The following PTPRN2 variants were observed in gnomAD, a reference collection of about 807,000 sequenced individuals.
PTPRN2 encodes the protein protein tyrosine phosphatase receptor type N2.
In PTPRN2, 74 loss-of-function variants were observed where a neutral mutation model predicts 118.8. That is an observed-to-expected ratio of 0.62 (90% CI 0.52 to 0.76). The LOEUF is 0.76. Among genes scored for constraint, PTPRN2 ranks in the 30% least tolerant of loss-of-function variants. The probability of loss-of-function intolerance (pLI) is 0.00; values close to 1 mark genes in which losing one functional copy is unlikely to be tolerated. For missense variants in PTPRN2, 1,481 were observed against 1,394.4 expected (o/e 1.06, Z -0.99); for synonymous variants, 641 against 608.0 (o/e 1.05, Z -0.80).
At chr7:158,061,724 C>T (rs1482619949) in intron 11 of PTPRN2, among the ~76,000 whole-genome samples, 1 of 152,208 alleles carries the variant, frequency 6.6e-6, no homozygotes, top group Non-Finnish European at 1.5e-5. Context: ...GTCCCCAGGA[C>T]CACACCTGAA....
intron 2 of PTPRN2, among the ~76,000 whole-genome samples, chr7:158,368,184 G>A (rs1237923680): frequency 6.6e-6 from 1 of 152,166 alleles, no homozygotes; most frequent in Non-Finnish European, 1.5e-5. Flanking sequence ...TTACAGTACA[G>A]GTTGATTCTA....
chr7:157,837,236 T>C (rs1210032887), intron 12 of PTPRN2, among the ~76,000 whole-genome samples: 3 of 130,946 alleles, frequency 2.3e-5, no homozygotes, highest in African/African-American at 8.5e-5. Context: ...CATCCACACA[T>C]CCACCCTTCC....
intron 6 of PTPRN2, among the ~76,000 whole-genome samples, chr7:158,161,247 T>C (rs1563538014): frequency 6.6e-6 from 1 of 152,064 alleles, no homozygotes. Flanking sequence ...TAGAGGCGAG[T>C]GACCCATAAC....
At chr7:157,791,885 C>G (rs1804526613) in intron 12 of PTPRN2, among the ~76,000 whole-genome samples, 1 of 152,230 alleles carries the variant, frequency 6.6e-6, no homozygotes, top group Admixed American at 6.5e-5. Flanking sequence ...GAGGGCAGAT[C>G]AGAGGGGCGC....
chr7:158,388,152 G>A (rs1317355694), intron 2 of PTPRN2, among the ~76,000 whole-genome samples: 1 of 152,028 alleles, frequency 6.6e-6, no homozygotes, highest in East Asian at 1.9e-4. Flanking sequence ...TCACTCTGCA[G>A]GTCTCGGCAA....
chr7:157,904,865 G>A (rs1797681312), intron 11 of PTPRN2, among the ~76,000 whole-genome samples: 1 of 152,206 alleles, frequency 6.6e-6, no homozygotes, highest in African/African-American at 2.4e-5. Context: ...GCACAGCCCT[G>A]CGGTTTGTTG....
chr7:158,538,569 C>T (rs1235826578), intron 1 of PTPRN2, among the ~76,000 whole-genome samples: 2 of 152,154 alleles, frequency 1.3e-5, no homozygotes, highest in African/African-American at 4.8e-5. Context: ...CTCAAGTGCC[C>T]CAGCCCACCC....
chr7:158,049,995 G>A (rs1453681229), intron 11 of PTPRN2, among the ~76,000 whole-genome samples: 2 of 152,166 alleles, frequency 1.3e-5, no homozygotes, highest in African/African-American at 4.8e-5. Context: ...GAGTTGAAAG[G>A]GGCAGGGAAT....
intron 11 of PTPRN2, among the ~76,000 whole-genome samples, chr7:158,034,201 GTGGC>G (rs1807922898): frequency 6.8e-6 from 1 of 147,634 alleles, no homozygotes; most frequent in African/African-American, 2.6e-5. Context: ...TGCTCTGCGT[GTGGC>G]TGGCTGCACA....
chr7:158,130,721 C>G (rs1470158181), intron 9 of PTPRN2, among the ~76,000 whole-genome samples: 1 of 151,772 alleles, frequency 6.6e-6, no homozygotes, highest in Non-Finnish European at 1.5e-5. Context: ...CATATACACA[C>G]ATGCACATAC....
intron 12 of PTPRN2, among the ~76,000 whole-genome samples, chr7:157,741,867 C>T (rs1181693145): frequency 6.6e-6 from 1 of 152,230 alleles, no homozygotes; most frequent in East Asian, 1.9e-4. Context: ...CATCTTTCCT[C>T]TTAGACTTGG....
chr7:157,683,673 G>A (rs1305036839), intron 12 of PTPRN2, among the ~76,000 whole-genome samples: 1 of 152,174 alleles, frequency 6.6e-6, no homozygotes, highest in Non-Finnish European at 1.5e-5. Flanking sequence ...GCTTCTTGGA[G>A]GGCGGGGGTA....
chr7:158,251,714 CTA>C (rs1796690786), intron 3 of PTPRN2, among the ~76,000 whole-genome samples: 1 of 143,964 alleles, frequency 6.9e-6, no homozygotes, highest in African/African-American at 2.6e-5. Flanking sequence ...CAATGGATGT[CTA>C]TGGTGCACGT....
At chr7:158,241,741 C>T (rs1257189120) in intron 3 of PTPRN2, among the ~76,000 whole-genome samples, 5 of 152,138 alleles carry the variant, frequency 3.3e-5, no homozygotes, top group East Asian at 1.9e-4. Flanking sequence ...TTACAGCTAA[C>T]GTTCTACAGC....
intron 11 of PTPRN2, among the ~76,000 whole-genome samples, chr7:158,037,813 G>A (rs1274370984): frequency 1.3e-5 from 2 of 152,190 alleles, no homozygotes; most frequent in African/African-American, 4.8e-5. Flanking sequence ...GATAATTTGG[G>A]GAAAGAATGG....
At chr7:158,404,362 T>C (rs1462285208) in intron 2 of PTPRN2, among the ~76,000 whole-genome samples, 1 of 152,160 alleles carries the variant, frequency 6.6e-6, no homozygotes, top group African/African-American at 2.4e-5. Context: ...ATTCTGTGTG[T>C]GCCTTTGAAG....
chr7:158,168,039 C>T (rs1443835814), intron 5 of PTPRN2, among the ~76,000 whole-genome samples: 5 of 152,168 alleles, frequency 3.3e-5, no homozygotes, highest in African/African-American at 1.2e-4. Context: ...CATGGTAACT[C>T]GACATTTAAC....
chr7:158,346,505 T>C (rs1169446772), intron 2 of PTPRN2, among the ~76,000 whole-genome samples: 1 of 152,258 alleles, frequency 6.6e-6, no homozygotes, highest in East Asian at 1.9e-4. Flanking sequence ...ACTGTGTCTT[T>C]ATCCATCCAT....
chr7:157,741,978 G>A (rs1030484552), intron 12 of PTPRN2, among the ~76,000 whole-genome samples: 9 of 152,184 alleles, frequency 5.9e-5, no homozygotes, highest in African/African-American at 1.7e-4. Flanking sequence ...GTGTGCAGTC[G>A]GGTGTGGCAG....
Sources: allele counts gnomAD v4.1 joint callset (sites outside exome capture counted in the v4.1 genomes callset), GRCh38; gene constraint gnomAD v4.1.1; transcripts MANE v1.5; gene names NCBI Gene and HGNC (gene_info 2026-07-23, HGNC 2026-07-21).